Variants in FRMD5 observed in about 807,000 individuals in gnomAD.
FRMD5 encodes FERM domain containing 5.
A neutral mutation model predicts 69.0 loss-of-function variants in FRMD5; 20 were observed. The observed-to-expected ratio is 0.29, with a 90% CI of 0.20 to 0.42. The LOEUF is 0.42. Among genes scored for constraint, FRMD5 ranks in the 10% least tolerant of loss-of-function variants. The probability of loss-of-function intolerance (pLI) is 1.00; values close to 1 mark genes in which losing one functional copy is unlikely to be tolerated. For synonymous variants in FRMD5, 271 were observed against 260.1 expected (o/e 1.04, Z -0.40); for missense variants, 595 against 708.6 (o/e 0.84, Z 1.82).
intron 1 of FRMD5, among the ~76,000 whole-genome samples, chr15:44,162,446 T>A (rs1304168969): frequency 6.6e-6 from 1 of 152,150 alleles, no homozygotes; most frequent in Non-Finnish European, 1.5e-5. Flanking sequence ...TTACTTTGCC[T>A]AACACTGCAT....
chr15:44,067,768 G>A (rs1351243369), intron 1 of FRMD5, among the ~76,000 whole-genome samples: 1 of 152,028 alleles, frequency 6.6e-6, no homozygotes, highest in South Asian at 2.1e-4. Context: ...TCAGACCATA[G>A]CAGACACTAC....
At chr15:43,946,378 A>G (rs2089947547) in intron 1 of FRMD5, among the ~76,000 whole-genome samples, 2 of 152,196 alleles carry the variant, frequency 1.3e-5, no homozygotes, top group Admixed American at 6.5e-5. Flanking sequence ...AGGAAATAAC[A>G]TAGGCTGGAA....
At chr15:44,198,616 C>T (rs2078324840), upstream of FRMD5, among the ~76,000 whole-genome samples, 1 of 151,826 alleles carries the variant, frequency 6.6e-6, no homozygotes, top group African/African-American at 2.4e-5. Flanking sequence ...TTTTGGGAGA[C>T]TGGGCAGAAG....
chr15:43,885,341 T>A (rs1014926181), intron 11 of FRMD5, among the ~76,000 whole-genome samples: 3 of 151,890 alleles, frequency 2.0e-5, no homozygotes, highest in Non-Finnish European at 4.4e-5. Flanking sequence ...CCCAGATAAT[T>A]TTTTTTGTAT....
At chr15:44,073,402 G>A (rs1233126833) in intron 1 of FRMD5, among the ~76,000 whole-genome samples, 1 of 152,120 alleles carries the variant, frequency 6.6e-6, no homozygotes, top group Admixed American at 6.5e-5. Context: ...GTCCATAAGT[G>A]CTGTAGCAAA....
intron 1 of FRMD5, among the ~76,000 whole-genome samples, chr15:44,033,866 A>T (rs572624994): frequency 6.6e-6 from 1 of 152,226 alleles, no homozygotes; most frequent in Non-Finnish European, 1.5e-5. Context: ...TAAGAATTAA[A>T]TAAGATCATT....
At chr15:44,116,496 G>A (rs926003453) in intron 1 of FRMD5, among the ~76,000 whole-genome samples, 5 of 152,050 alleles carry the variant, frequency 3.3e-5, no homozygotes, top group Non-Finnish European at 7.4e-5. Flanking sequence ...CCAGAGAAAG[G>A]GTACATTTTG....
intron 1 of FRMD5, among the ~76,000 whole-genome samples, chr15:44,052,140 AATT>A (rs1027898039): frequency 3.9e-5 from 6 of 152,152 alleles, no homozygotes; most frequent in Non-Finnish European, 8.8e-5. Flanking sequence ...CTTTTCTCCC[AATT>A]ATTATAGCTT....
At chr15:43,918,249 C>A (rs2089429907) in intron 4 of FRMD5, among the ~76,000 whole-genome samples, 1 of 152,136 alleles carries the variant, frequency 6.6e-6, no homozygotes, top group African/African-American at 2.4e-5. Flanking sequence ...CATGGTGAAA[C>A]CCCGTCTCTA....
chr15:44,142,056 T>C (rs1276176324), intron 1 of FRMD5, among the ~76,000 whole-genome samples: 1 of 152,206 alleles, frequency 6.6e-6, no homozygotes, highest in South Asian at 2.1e-4. Flanking sequence ...TATCCCATCC[T>C]GCACTATGTC....
At chr15:43,982,584 C>A (rs891143278) in intron 1 of FRMD5, among the ~76,000 whole-genome samples, 9 of 152,136 alleles carry the variant, frequency 5.9e-5, no homozygotes, top group Admixed American at 5.9e-4. Context: ...TAAGAAGTGT[C>A]CTTTGTGGCA....
At chr15:43,910,924 C>T (rs1190871711) in intron 4 of FRMD5, among the ~76,000 whole-genome samples, 7 of 152,254 alleles carry the variant, frequency 4.6e-5, no homozygotes, top group Non-Finnish European at 5.9e-5. Context: ...TCAACTTCAG[C>T]ACTGTGAGAC....
chr15:43,906,092 G>A (rs1038749213), intron 5 of FRMD5, 141 bp from the exon 6 acceptor site: 12 of 1,096,956 alleles, frequency 1.1e-5, no homozygotes, highest in Non-Finnish European at 1.5e-5. Context: ...GCACGGCTGT[G>A]GGCTGGGCAG....
At chr15:44,196,048 T>C (rs1440569397), upstream of FRMD5, among the ~76,000 whole-genome samples, 1 of 152,226 alleles carries the variant, frequency 6.6e-6, no homozygotes, top group Non-Finnish European at 1.5e-5. Context: ...GAGGTATACA[T>C]CACAAAGAAT....
chr15:43,899,453 A>G (rs565502834), intron 7 of FRMD5, among the ~76,000 whole-genome samples: 2 of 152,108 alleles, frequency 1.3e-5, no homozygotes, highest in Non-Finnish European at 2.9e-5. Flanking sequence ...ACGGGTAGTG[A>G]CTTGAGTTCA....
intron 1 of FRMD5, among the ~76,000 whole-genome samples, chr15:44,142,969 A>T (rs750926518): frequency 1.3e-5 from 2 of 152,120 alleles, no homozygotes; most frequent in Non-Finnish European, 1.5e-5. Context: ...GCGGGCCTGC[A>T]GTCTCAGCTA....
intron 1 of FRMD5, among the ~76,000 whole-genome samples, chr15:43,930,816 G>A (rs1431962752): frequency 6.6e-6 from 1 of 152,224 alleles, no homozygotes; most frequent in Non-Finnish European, 1.5e-5. Context: ...TGCACGTGGG[G>A]TGGGGAAATC....
At chr15:44,015,074 A>T (rs1890896264) in intron 1 of FRMD5, among the ~76,000 whole-genome samples, 1 of 152,168 alleles carries the variant, frequency 6.6e-6, no homozygotes, top group African/African-American at 2.4e-5. Flanking sequence ...CCTTGTGCCA[A>T]ATCACCACTT....
chr15:44,185,114 G>C (rs549842973), intron 1 of FRMD5, among the ~76,000 whole-genome samples: 1 of 152,312 alleles, frequency 6.6e-6, no homozygotes, highest in South Asian at 2.1e-4. Context: ...TAAGTTTTCA[G>C]ATTAGCTGTG....
Sources: allele counts gnomAD v4.1 joint callset (sites outside exome capture counted in the v4.1 genomes callset), GRCh38; gene constraint gnomAD v4.1.1; transcripts MANE v1.5; gene names NCBI Gene and HGNC (gene_info 2026-07-23, HGNC 2026-07-21).